Variants in AAK1 observed in about 807,000 individuals in gnomAD.
The protein encoded by AAK1 is AP2-associated protein kinase 1.
Under a neutral mutation model 116.0 loss-of-function variants are expected in AAK1, and 37 were observed. The ratio of observed to expected loss-of-function variants is 0.32; its 90% CI spans 0.25 to 0.42. The LOEUF is 0.42. Among genes scored for constraint, AAK1 ranks in the 10% least tolerant of loss-of-function variants. AAK1 has a pLI of 1.00. For synonymous variants in AAK1, 458 were observed against 439.9 expected, an observed-to-expected ratio of 1.04 and a Z score of -0.51; for missense variants, 919 against 1,170.6, an observed-to-expected ratio of 0.79 and a Z score of 3.14.
At chr2:69,509,556 C>T in intron 13 of AAK1, 96 bp from the exon 14 acceptor site, 2 of 1,040,832 alleles carry the variant, frequency 1.9e-6, no homozygotes, top group Non-Finnish European at 2.8e-6. Flanking sequence ...ACAAAAAATG[C>T]CACATAAGCA....
chr2:69,514,876 G>A, intron 12 of AAK1, 127 bp from the exon 13 acceptor site: 1 of 1,083,156 alleles, frequency 9.2e-7, no homozygotes, highest in Non-Finnish European at 1.3e-6. Flanking sequence ...AAGTCTTGAG[G>A]CTAGGCCTAA....
Position 69,533,849 on chromosome 2 carries a change from T to C in AAK1, c.535-1687A>G, listed in dbSNP as rs79573348. ...TTCTATGATGAACAATTCTTAAGCA[T>C]AGGGTTATGAAAGATTAGGAGAGAT... On this transcript the variant is annotated intron_variant, in intron 5 of 21. Coordinates refer to ENST00000409085, the MANE Select transcript of AAK1 (RefSeq NM_014911.5). Among the ~76,000 whole-genome samples the C allele has an allele frequency of 1.1e-4, 16 of 152,366 alleles. No individual in the cohort carries two copies. In the East Asian group the frequency reaches 2.9e-3, roughly 28 times the overall value.
chr2:69,461,375 G>A lies in AAK1; in HGVS notation c.*14494C>T, dbSNP rs559090323. On this transcript the variant is annotated 3_prime_UTR_variant, in exon 22 of 22. Coordinates refer to ENST00000409085, the MANE Select transcript of AAK1 (RefSeq NM_014911.5). Reference sequence around the variant, plus strand: ...CTGAATGTCTCCCTCATCATTAAGTGGGGCATGACTGTATTTTTTTTTCTC... The same window carrying A: ...CTGAATGTCTCCCTCATCATTAAGTAGGGCATGACTGTATTTTTTTTTCTC... 6 of 212,624 alleles carry A rather than the reference G, an allele frequency of 2.8e-5. No homozygotes were observed. The South Asian group carries it at 3.2e-4, about 11-fold the overall frequency. 13.2% of individuals were successfully genotyped at this position (212,624 alleles called of 1,614,324 possible). A position where few individuals can be genotyped will look rare whatever the true frequency, so the allele number is the denominator to read the frequency against.
rs187593354 is a variant in AAK1, at chr2:69,550,841, C to T, written c.282+6019G>A. On this transcript the variant is annotated intron_variant, in intron 3 of 21. Transcript: ENST00000409085. ...ATTTTGGACAGGCTGGTCTCAAACT[C>T]CTGACCTCAAATGATCCACCCTCCT... is the stretch of plus-strand genomic sequence containing the variant. Among the ~76,000 whole-genome samples the T allele has an allele frequency of 1.7e-3, 260 of 152,166 alleles. 2 individuals are homozygous for T. Among genetic ancestry groups the T allele is most frequent in the Non-Finnish European group, 3.2e-3 (220 of 68,018 alleles).
At chr2:69,595,872 G>C (rs891249455) in intron 2 of AAK1, among the ~76,000 whole-genome samples, 5 of 152,206 alleles carry the variant, frequency 3.3e-5, no homozygotes, top group Non-Finnish European at 5.9e-5. Context: ...GCTCCTGTTA[G>C]GAACTAATGC....
chr2:69,536,029 T>G (rs1187210636), intron 5 of AAK1, among the ~76,000 whole-genome samples: 9 of 152,240 alleles, frequency 5.9e-5, no homozygotes, highest in Admixed American at 5.9e-4. Flanking sequence ...AAAGCCTTAT[T>G]GTCTCCCTTA....
chr2:69,630,583 A>C (rs1311900005), intron 2 of AAK1, among the ~76,000 whole-genome samples: 1 of 152,242 alleles, frequency 6.6e-6, no homozygotes, highest in East Asian at 1.9e-4. Context: ...ATGCTTTTGC[A>C]TTTTACAAAT....
At chr2:69,484,928 G>T (rs978977246) in intron 17 of AAK1, among the ~76,000 whole-genome samples, 1 of 151,404 alleles carries the variant, frequency 6.6e-6, no homozygotes. Context: ...AAAAAAGGAA[G>T]TTTTTCAGTT....
chr2:69,621,453 G>T (rs957758952), intron 2 of AAK1, among the ~76,000 whole-genome samples: 1 of 151,736 alleles, frequency 6.6e-6, no homozygotes, highest in Non-Finnish European at 1.5e-5. Flanking sequence ...CACCACTCCA[G>T]CCTGGGCGAC....
intron 2 of AAK1, among the ~76,000 whole-genome samples, chr2:69,604,100 C>A (rs1673695621): frequency 6.6e-6 from 1 of 152,216 alleles, no homozygotes; most frequent in South Asian, 2.1e-4. Flanking sequence ...CTCAAGGCTG[C>A]AGTAACCTGA....
chr2:69,587,133 G>A (rs1672801567), intron 2 of AAK1, among the ~76,000 whole-genome samples: 1 of 151,292 alleles, frequency 6.6e-6, no homozygotes, highest in Non-Finnish European at 1.5e-5. Flanking sequence ...TGCCCAGGCT[G>A]GAGTACGATG....
At position 69,514,490 on chromosome 2, in the gene AAK1, G is replaced by A. The variant is rs1676506893; in HGVS notation, c.1757C>T (p.Ala586Val). Residue 586 changes from alanine to valine, a missense_variant, in exon 13 of 22, where the codon GCC becomes GTC. Physicochemically the swap from Ala to Val is moderately conservative, Grantham distance 64. This residue lies in a region of AAK1 where 125 missense variants were observed against 184.1 expected (regional missense o/e 0.68). Transcript: ENST00000409085. ...TCTTACCGCTGGCTCCTGGGCAGGG[G>A]CTGGCTGTGGGGCTGCAGCTGGCTG... ...QPQPAAAPQP[A>V]PAQEPAIQAP... 1.3e-6 allele frequency: 2 copies of A among 1,547,974 alleles called. No homozygotes were observed. The highest frequency in any genetic ancestry group is 2.4e-5 in the East Asian group (1 of 40,864).
At chr2:69,556,491 G>T (rs1452460556) in intron 3 of AAK1, among the ~76,000 whole-genome samples, 1 of 152,158 alleles carries the variant, frequency 6.6e-6, no homozygotes, top group Non-Finnish European at 1.5e-5. Flanking sequence ...TGAGACTGGG[G>T]ATTGGTAACA....
chr2:69,589,954 T>A (rs1278207546), intron 2 of AAK1, among the ~76,000 whole-genome samples: 2 of 152,046 alleles, frequency 1.3e-5, no homozygotes, highest in Middle Eastern at 3.4e-3. Flanking sequence ...AAAGAGAACA[T>A]GGTCCAACTG....
In AAK1 at chr2:69,471,244, T is replaced by C; in HGVS notation, c.*4625A>G. ...CTAGCAACTACCACCATTTGGTAAC[T>C]TCTTTGCATAGGTTAGCATTACCCA... On this transcript the variant is annotated 3_prime_UTR_variant, in exon 22 of 22. Transcript: ENST00000409085. 1 of 985,432 alleles carries C rather than the reference T, an allele frequency of 1.0e-6. No homozygotes were observed. Among genetic ancestry groups the C allele is most frequent in the Non-Finnish European group, 1.2e-6 (1 of 829,926 alleles). 61.0% of individuals were successfully genotyped at this position (985,432 alleles called of 1,614,324 possible).
chr2:69,610,426 A>T (rs959559444), intron 2 of AAK1, among the ~76,000 whole-genome samples: 2 of 152,266 alleles, frequency 1.3e-5, no homozygotes, highest in African/African-American at 4.8e-5. Context: ...GAAAATCTTC[A>T]TGACATTGAA....
At chr2:69,476,763 C>T (rs1046344838) in intron 21 of AAK1, 117 bp downstream of exon 21, 5 of 665,234 alleles carry the variant, frequency 7.5e-6, no homozygotes, top group East Asian at 2.7e-5. Context: ...ATTCTCATTA[C>T]ACCCAATGTC....
intron 2 of AAK1, among the ~76,000 whole-genome samples, chr2:69,590,689 T>C (rs968030229): frequency 1.3e-5 from 2 of 152,236 alleles, no homozygotes; most frequent in Admixed American, 6.5e-5. Context: ...TATCAATACA[T>C]ACTATCTTTG....
rs1306416011 is a variant in AAK1 at position 69,473,065 on chromosome 2, T to C, written c.*2804A>G. 1 of 957,936 alleles carries C rather than the reference T, an allele frequency of 1.0e-6. No individual in the cohort carries two copies. The highest frequency in any genetic ancestry group is 1.2e-6 in the Non-Finnish European group (1 of 804,646). 59.3% of individuals were successfully genotyped at this position (957,936 alleles called of 1,614,324 possible). A position where few individuals can be genotyped will look rare whatever the true frequency, so the allele number is the denominator to read the frequency against. ...ATAATAATATATACTTAGGACCCTATACTTCTATAATCTTAAAGACCATCT... is the reference window on the plus strand; with the variant it reads ...ATAATAATATATACTTAGGACCCTACACTTCTATAATCTTAAAGACCATCT... On this transcript the variant is annotated 3_prime_UTR_variant, in exon 22 of 22. Transcript: ENST00000409085.
Sources: allele counts gnomAD v4.1 joint callset (sites outside exome capture counted in the v4.1 genomes callset), GRCh38; gene constraint gnomAD v4.1.1; regional missense constraint gnomAD v4.1.1; transcripts MANE v1.5; gene names NCBI Gene and HGNC (gene_info 2026-07-23, HGNC 2026-07-21).